Variants in BLMH observed in about 807,000 individuals in gnomAD.
The protein encoded by BLMH is bleomycin hydrolase.
A neutral mutation model predicts 61.6 loss-of-function variants in BLMH; 32 were observed. That is an observed-to-expected ratio of 0.52 (90% CI 0.39 to 0.70). The LOEUF (loss-of-function observed/expected upper bound fraction) is 0.70, where lower values mean the gene tolerates loss of function less well. Among genes scored for constraint, BLMH ranks in the 30% least tolerant of loss-of-function variants. The probability of loss-of-function intolerance (pLI) is 0.00; values close to 1 mark genes in which losing one functional copy is unlikely to be tolerated. For missense variants in BLMH, 460 were observed against 555.5 expected, an observed-to-expected ratio of 0.83 and a Z score of 1.73; for synonymous variants, 183 against 193.8, an observed-to-expected ratio of 0.94 and a Z score of 0.46.
At chr17:30,283,441 T>C (rs1394355737) in intron 6 of BLMH, among the ~76,000 whole-genome samples, 1 of 152,032 alleles carries the variant, frequency 6.6e-6, no homozygotes, top group Non-Finnish European at 1.5e-5. Flanking sequence ...AAAAGGATGC[T>C]TATTATCTAC....
At chr17:30,250,687 A>G (rs759969740) in intron 11 of BLMH, among the ~76,000 whole-genome samples, 34 of 152,232 alleles carry the variant, frequency 2.2e-4, no homozygotes, top group Non-Finnish European at 4.0e-4. Context: ...GAGATTCCTT[A>G]AAGAACTAAC....
At chr17:30,274,934 G>A (rs910213301) in intron 6 of BLMH, among the ~76,000 whole-genome samples, 3 of 149,756 alleles carry the variant, frequency 2.0e-5, no homozygotes, top group African/African-American at 4.9e-5. Context: ...AGCCATGATC[G>A]TGCCACTACA....
intron 10 of BLMH, among the ~76,000 whole-genome samples, chr17:30,270,458 C>T (rs901872939): frequency 6.9e-6 from 1 of 144,682 alleles, no homozygotes; most frequent in African/African-American, 2.6e-5. Context: ...GCTGAGATCA[C>T]ACTACAGCAC....
chr17:30,288,668 T>C (rs1293257314), intron 3 of BLMH, among the ~76,000 whole-genome samples: 4 of 151,860 alleles, frequency 2.6e-5, no homozygotes, highest in African/African-American at 9.7e-5. Flanking sequence ...TTTTGAAGAT[T>C]AGGAAATGGA....
chr17:30,280,944 G>C (rs1420722952), intron 6 of BLMH, among the ~76,000 whole-genome samples: 4 of 152,168 alleles, frequency 2.6e-5, no homozygotes, highest in Non-Finnish European at 5.9e-5. Flanking sequence ...TTATAGGAGA[G>C]AAGGAGTAAG....
rs1454753066 is a variant in BLMH, at chr17:30,274,179, T to G, written c.664A>C (p.Ile222Leu). The change falls in exon 7 of 12, where the codon ATC (isoleucine) becomes CTC (leucine). Residue 222 changes from isoleucine to leucine, a missense_variant. This residue lies in a region of BLMH where 310 missense variants were observed against 371.1 expected (regional missense o/e 0.84). Transcript: ENST00000261714. ...MMEEIFRVVC[I>L]CLGNPPETFT... ...GTCTCTGGTGGATTACCCAAACAGA[T>G]GCACACCACTCGGAATATCTGGAAG... 1.2e-6 allele frequency: 2 copies of G among 1,614,040 alleles called. No homozygotes were observed. The highest frequency in any genetic ancestry group is 8.5e-7 in the Non-Finnish European group (1 of 1,179,994).
At chr17:30,291,286 G>A (rs200925867) in intron 2 of BLMH, 25 bp downstream of exon 2, 3 of 1,600,406 alleles carry the variant, frequency 1.9e-6, no homozygotes, top group Non-Finnish European at 1.7e-6. Context: ...GTCAAGGAAC[G>A]TATGGGAGAA....
chr17:30,278,987 T>C lies in BLMH; in HGVS notation c.646-4790A>G, dbSNP rs141371200. Among the ~76,000 whole-genome samples, 678 of 152,304 alleles carry C rather than the reference T, an allele frequency of 4.5e-3. 7 individuals are homozygous for C. Among genetic ancestry groups the C allele is most frequent in the African/African-American group, 0.015 (637 of 41,576 alleles). On this transcript the variant is annotated intron_variant, in intron 6 of 11. Transcript: ENST00000261714. ...GCCCCACATCTAGCCCCAAGCACTT[T>C]TGTCATTTCAAACCAAATTTAGAAC...
chr17:30,268,297 G>C (rs1182641961), intron 10 of BLMH, among the ~76,000 whole-genome samples: 1 of 152,036 alleles, frequency 6.6e-6, no homozygotes, highest in Non-Finnish European at 1.5e-5. Flanking sequence ...TGTTCTCTGG[G>C]TCATCTACAA....
intron 10 of BLMH, among the ~76,000 whole-genome samples, chr17:30,269,714 T>A (rs1304052117): frequency 6.6e-6 from 1 of 152,142 alleles, no homozygotes; most frequent in Non-Finnish European, 1.5e-5. Flanking sequence ...ACGAATGGAA[T>A]AATGAGGAAA....
At chr17:30,270,370 C>T (rs1040626876) in intron 10 of BLMH, among the ~76,000 whole-genome samples, 4 of 151,836 alleles carry the variant, frequency 2.6e-5, no homozygotes, top group East Asian at 1.9e-4. Context: ...GGTGTGTTGG[C>T]GGGCACTTGT....
At chr17:30,256,686 G>A (rs1411977555) in intron 11 of BLMH, among the ~76,000 whole-genome samples, 1 of 150,866 alleles carries the variant, frequency 6.6e-6, no homozygotes, top group African/African-American at 2.4e-5. Flanking sequence ...GTTTTTAACT[G>A]GTGTTATGCT....
intron 11 of BLMH, among the ~76,000 whole-genome samples, chr17:30,264,156 CAT>C (rs1335635104): frequency 2.0e-5 from 3 of 152,196 alleles, no homozygotes; most frequent in African/African-American, 4.8e-5. Context: ...CCAAGAAACA[CAT>C]GAGAATAATT....
chr17:30,252,259 A>T (rs1907688260), intron 11 of BLMH: 1 of 152,196 alleles, frequency 6.6e-6, no homozygotes, highest in African/African-American at 2.4e-5. Flanking sequence ...CTAATTTTGT[A>T]TGCTAAAAGG....
rs375546556 is a variant in BLMH, at chr17:30,274,030, C to T, written c.801+12G>A. ...AGTAAACAGCCAGTGACTACCAGTG[C>T]CATTCACCAACCTTATCTTCCATAT... On this transcript the variant is annotated intron_variant, in intron 7 of 11. Transcript: ENST00000261714. The T allele has an allele frequency of 2.5e-6, 4 of 1,613,858 alleles. No individual in the cohort carries two copies. The highest frequency in any genetic ancestry group is 1.3e-5 in the African/African-American group (1 of 74,900).
intron 11 of BLMH, among the ~76,000 whole-genome samples, chr17:30,252,534 A>AC (rs67687635): frequency 7.1e-5 from 2 of 28,332 alleles, no homozygotes; most frequent in Non-Finnish European, 1.5e-4. Flanking sequence ...CCATCCTCAC[A>AC]AAAAAAAAAA....
intron 11 of BLMH, among the ~76,000 whole-genome samples, chr17:30,265,646 G>A (rs1275296655): frequency 6.6e-6 from 1 of 151,810 alleles, no homozygotes; most frequent in Non-Finnish European, 1.5e-5. Flanking sequence ...TCCCTACCTG[G>A]TTCTTCTCAG....
intron 10 of BLMH, among the ~76,000 whole-genome samples, chr17:30,268,958 T>C (rs2143021470): frequency 6.6e-6 from 1 of 150,482 alleles, no homozygotes; most frequent in Non-Finnish European, 1.5e-5. Flanking sequence ...GAGAATAGCT[T>C]GAACCCAGGA....
At chr17:30,288,541 G>T (rs1908795020) in intron 3 of BLMH, among the ~76,000 whole-genome samples, 1 of 152,002 alleles carries the variant, frequency 6.6e-6, no homozygotes. Context: ...GTAGAGATGG[G>T]GTTTCGCCAG....
Sources: gnomAD v4.1 joint callset for allele counts (sites outside exome capture counted in the v4.1 genomes callset) on GRCh38, gnomAD v4.1.1 for gene constraint, gnomAD v4.1.1 regional missense constraint, MANE v1.5 for transcripts, NCBI Gene and HGNC (gene_info 2026-07-23, HGNC 2026-07-21) for gene names.